The following POU2F2 variants were observed in gnomAD, a reference collection of about 807,000 sequenced individuals.
POU2F2 encodes POU domain, class 2, transcription factor 2.
In POU2F2, 14 loss-of-function variants were observed where a neutral mutation model predicts 63.5. The observed-to-expected ratio is 0.22, with a 90% confidence interval of 0.15 to 0.34. The LOEUF (loss-of-function observed/expected upper bound fraction) is 0.34, where lower values mean the gene tolerates loss of function less well. Among genes scored for constraint, POU2F2 ranks in the 10% least tolerant of loss-of-function variants. The pLI is 1.00. For synonymous variants in POU2F2, 306 were observed against 348.6 expected (o/e 0.88, Z 1.36); for missense variants, 607 against 815.2 (o/e 0.74, Z 3.11).
rs1362388489 is a variant in POU2F2, at chr19:42,117,069, G to A, written c.369+181C>T. 1 of 671,628 alleles carries A rather than the reference G, an allele frequency of 1.5e-6. No homozygotes were observed. The highest frequency in any genetic ancestry group is 1.8e-5 in the African/African-American group (1 of 54,724). The allele number at this position is 671,628 out of a possible 1,614,324, so 41.6% of individuals were successfully genotyped here. ...GTTGAAGAGGAGCAGAGAAGGCAGA[G>A]AGGGGTTAGTGCCTAAGCCAAGCAA... On this transcript the variant is annotated intron_variant, in intron 5 of 14. Transcript: ENST00000692977. This position sits in a 1 kb window ranked among gnomAD's most constrained non-coding sequence, Gnocchi z 4.4.
chr19:42,173,298 C>T (rs1307855996), intron 1 of POU2F2, among the ~76,000 whole-genome samples: 2 of 152,080 alleles, frequency 1.3e-5, no homozygotes, highest in Non-Finnish European at 2.9e-5. Flanking sequence ...AAACTTCTCC[C>T]TTGCCATCAT....
intron 1 of POU2F2, among the ~76,000 whole-genome samples, chr19:42,191,990 A>G (rs1230146449): frequency 1.3e-5 from 2 of 152,334 alleles, no homozygotes; most frequent in African/African-American, 4.8e-5. Context: ...GCGTAAACAC[A>G]TGTAAAGCAT....
intron 1 of POU2F2, among the ~76,000 whole-genome samples, chr19:42,164,712 A>G (rs2034616223): frequency 6.6e-6 from 1 of 152,034 alleles, no homozygotes; most frequent in African/African-American, 2.4e-5. Flanking sequence ...CTGTAATCCC[A>G]GCACTTTGGG....
Position 42,159,614 on chromosome 19 carries a change from A to G in POU2F2, c.-9+718T>C, listed in dbSNP as rs553120211. On this transcript the variant is annotated intron_variant, in intron 2 of 6. Transcript: ENST00000524801. ...GGAGCAAACACCAGGGCAAATGGCC[A>G]GAGCCCCTGCTTCCCACAGAGGTGA... Among the ~76,000 whole-genome samples, 164 of 152,326 alleles carry G rather than the reference A, an allele frequency of 1.1e-3. 1 individual carries two copies. The highest frequency in any genetic ancestry group is 3.8e-3 in the African/African-American group (157 of 41,578).
At chr19:42,141,123 G>T (rs947845129) in intron 2 of POU2F2, among the ~76,000 whole-genome samples, 1 of 152,158 alleles carries the variant, frequency 6.6e-6, no homozygotes, top group African/African-American at 2.4e-5. Flanking sequence ...AGCACTAATT[G>T]TACTGCACTG....
rs2034400533 is a variant in POU2F2 at position 42,153,704 on chromosome 19, T to A, written c.-9+6628A>T. Among the ~76,000 whole-genome samples the A allele has an allele frequency of 6.6e-6, 1 of 152,044 alleles. No individual in the cohort carries two copies. Among genetic ancestry groups the A allele is most frequent in the South Asian group, 2.1e-4 (1 of 4,824 alleles). ...GTGTCCCTGTGTGCCGATGGTCGAG[T>A]GTGTTTCCACAAGTGGGCTGGAGGC... On this transcript the variant is annotated intron_variant, in intron 2 of 6. Coordinates refer to the POU2F2 transcript ENST00000524801. The surrounding 1 kb of genome is among the most constrained non-coding windows in gnomAD (Gnocchi z 5.6).
intron 1 of POU2F2, among the ~76,000 whole-genome samples, chr19:42,171,515 G>A (rs917162351): frequency 3.3e-5 from 5 of 151,780 alleles, no homozygotes; most frequent in Non-Finnish European, 7.4e-5. Flanking sequence ...TGGGCTTGGC[G>A]TGGGGGGCCA....
chr19:42,148,746 C>T (rs1377892041), intron 2 of POU2F2, among the ~76,000 whole-genome samples: 2 of 151,668 alleles, frequency 1.3e-5, no homozygotes, highest in African/African-American at 4.9e-5. Flanking sequence ...CCACCCCACC[C>T]CAGCCTCTAC....
rs2146293532 is a variant in POU2F2 at position 42,092,973 on chromosome 19, T to C, written c.1265-703A>G. 6.8e-6 allele frequency among the ~76,000 whole-genome samples: 1 copy of C among 146,508 alleles called. No homozygotes were observed. Among genetic ancestry groups the C allele is most frequent in the Admixed American group, 6.9e-5 (1 of 14,416 alleles). ...TGTGTATATATATTATGCATATATA[T>C]ATTATGTGTGTGTGTATATATATAT... On this transcript the variant is annotated intron_variant, in intron 12 of 14. Coordinates refer to ENST00000692977, the MANE Select transcript of POU2F2 (RefSeq NM_001394376.1). The surrounding 1 kb of genome is among the most constrained non-coding windows in gnomAD (Gnocchi z 5.0).
chr19:42,097,081 G>A (rs1009487089), intron 7 of POU2F2, among the ~76,000 whole-genome samples: 4 of 151,764 alleles, frequency 2.6e-5, no homozygotes, highest in African/African-American at 9.7e-5. Context: ...ATTCTTCATT[G>A]CCCTAACAAT....
chr19:42,181,871 C>T (rs950021985), intron 1 of POU2F2, among the ~76,000 whole-genome samples: 6 of 152,202 alleles, frequency 3.9e-5, no homozygotes, highest in Non-Finnish European at 8.8e-5. Context: ...CAGGCGTGAG[C>T]CAACACTCCC....
At chr19:42,107,292 T>C (rs1411261454) in intron 5 of POU2F2, among the ~76,000 whole-genome samples, 1 of 151,406 alleles carries the variant, frequency 6.6e-6, no homozygotes, top group Non-Finnish European at 1.5e-5. Flanking sequence ...GAGGCAGAGG[T>C]TGCAGTGAGC....
At chr19:42,122,690 C>T in intron 1 of POU2F2, 114 bp from the exon 2 acceptor site, 1 of 975,104 alleles carries the variant, frequency 1.0e-6, no homozygotes, top group Non-Finnish European at 1.5e-6. Context: ...CCCTTACCCC[C>T]AGCCACCTTG....
At chr19:42,188,193 C>T (rs1214608385) in intron 1 of POU2F2, among the ~76,000 whole-genome samples, 3 of 151,770 alleles carry the variant, frequency 2.0e-5, no homozygotes, top group African/African-American at 4.8e-5. Context: ...AGTGAAACCC[C>T]GTCTCTACCA....
chr19:42,102,601 A>G (rs1362088321), intron 5 of POU2F2, among the ~76,000 whole-genome samples: 1 of 152,052 alleles, frequency 6.6e-6, no homozygotes, highest in African/African-American at 2.4e-5. Flanking sequence ...CAAAAAAAAA[A>G]AAATCTTGTT....
At chr19:42,097,379 T>G (rs1293760596) in intron 7 of POU2F2, among the ~76,000 whole-genome samples, 1 of 152,020 alleles carries the variant, frequency 6.6e-6, no homozygotes, top group Non-Finnish European at 1.5e-5. Flanking sequence ...GTATTTTTAG[T>G]AGAGATGGGG....
At chr19:42,167,506 C>A (rs976817053) in intron 1 of POU2F2, among the ~76,000 whole-genome samples, 3 of 152,032 alleles carry the variant, frequency 2.0e-5, no homozygotes, top group African/African-American at 7.2e-5. Context: ...AAGGAAAAGC[C>A]TATCAGAGAA....
chr19:42,099,933 G>T (rs1021972899), intron 5 of POU2F2, 112 bp from the exon 6 acceptor site: 3 of 824,352 alleles, frequency 3.6e-6, no homozygotes, highest in East Asian at 5.3e-5. Flanking sequence ...TCCACATGGC[G>T]ATCTGGCACT....
upstream of POU2F2, among the ~76,000 whole-genome samples, chr19:42,176,671 G>A (rs1350099868): frequency 1.5e-5 from 1 of 65,468 alleles, no homozygotes; most frequent in Admixed American, 1.8e-4. Context: ...CCGCCCCCAC[G>A]TACACCTCTC....
Sources: gnomAD v4.1 joint callset for allele counts (sites outside exome capture counted in the v4.1 genomes callset) on GRCh38, gnomAD v4.1.1 for gene constraint, Gnocchi (gnomAD v3.1) non-coding constraint, MANE v1.5 for transcripts, NCBI Gene and HGNC (gene_info 2026-07-23, HGNC 2026-07-21) for gene names.